LMF1: variants seen among roughly 807,000 people sequenced by gnomAD.
LMF1 encodes the protein transmembrane protein 112.
Under a neutral mutation model 60.6 loss-of-function variants are expected in LMF1, and 68 were observed. The observed-to-expected ratio is 1.12, with a 90% CI of 0.92 to 1.37. LMF1 has a LOEUF of 1.37. LMF1 is among the 40% of genes most tolerant of loss of function. LMF1 has a pLI of 0.00. For missense variants in LMF1, 948 were observed against 767.2 expected, an observed-to-expected ratio of 1.24 and a Z score of -2.78; for synonymous variants, 418 against 324.7, an observed-to-expected ratio of 1.29 and a Z score of -3.09.
rs9937480 is a variant in LMF1 at position 938,347 on chromosome 16, C to T, written c.504-4093G>A. Among the ~76,000 whole-genome samples, 63 of 148,964 alleles carry T rather than the reference C, an allele frequency of 4.2e-4. No homozygotes were observed. The East Asian group carries it at 0.011, about 25-fold the overall frequency. Reference sequence around the variant, plus strand: ...TGGTGGCTCGCGGGGACAGCAGGGACGGGGCTGGACGGCGGCTCACAGGGA... The same window carrying T: ...TGGTGGCTCGCGGGGACAGCAGGGATGGGGCTGGACGGCGGCTCACAGGGA... On this transcript the variant is annotated intron_variant, in intron 2 of 10. Coordinates refer to ENST00000262301, the MANE Select transcript of LMF1 (RefSeq NM_022773.4).
At chr16:902,779 AG>A (rs1482960203) in intron 4 of LMF1, among the ~76,000 whole-genome samples, 1 of 102,304 alleles carries the variant, frequency 9.8e-6, no homozygotes, top group East Asian at 3.0e-4. Context: ...CACTGCCCAC[AG>A]GACTCCTGTC....
chr16:920,798 G>A (rs186839127), intron 3 of LMF1, among the ~76,000 whole-genome samples: 55 of 152,360 alleles, frequency 3.6e-4, no homozygotes, highest in African/African-American at 1.3e-3. Flanking sequence ...ACGTTACACT[G>A]GAACGTCAGG....
In LMF1 at chr16:897,163, C is replaced by T. The variant is rs1026946904; in HGVS notation, c.664-4091G>A. Among the ~76,000 whole-genome samples the T allele has an allele frequency of 1.3e-5, 2 of 152,234 alleles. No homozygotes were observed. The highest frequency in any genetic ancestry group is 2.9e-5 in the Non-Finnish European group (2 of 68,050). On this transcript the variant is annotated intron_variant, in intron 4 of 10. Transcript: ENST00000262301. The surrounding 1 kb of genome is among the most constrained non-coding windows in gnomAD (Gnocchi z 4.3). ...ACGTGTGGCTGCAGCAGCTCTTCTC[C>T]TGATGCCTGTGTGTCCTGGGACACA...
At chr16:860,122 T>C (rs1020987304) in intron 10 of LMF1, among the ~76,000 whole-genome samples, 13 of 151,958 alleles carry the variant, frequency 8.6e-5, no homozygotes, top group Admixed American at 7.2e-4. Flanking sequence ...GAAACTTCTT[T>C]ACATATTCCA....
chr16:897,910 C>T lies in LMF1; in HGVS notation c.664-4838G>A, dbSNP rs2070708556. Among the ~76,000 whole-genome samples the T allele has an allele frequency of 6.6e-6, 1 of 152,258 alleles. No homozygotes were observed. Among genetic ancestry groups the T allele is most frequent in the Non-Finnish European group, 1.5e-5 (1 of 68,054 alleles). ...GGGAGGTGGGCTCCGCCCCCGAGTG[C>T]TTCAGCTCACGCAGACTTCCTTGTG... On this transcript the variant is annotated intron_variant, in intron 4 of 10. Transcript: ENST00000262301. The surrounding 1 kb of genome is among the most constrained non-coding windows in gnomAD (Gnocchi z 4.3).
At chr16:975,418 C>G (rs1385939153), upstream of LMF1, among the ~76,000 whole-genome samples, 1 of 152,122 alleles carries the variant, frequency 6.6e-6, no homozygotes, top group Non-Finnish European at 1.5e-5. Context: ...GCGGGCTGAG[C>G]TCTACCCACA....
intron 3 of LMF1, 58 bp from the exon 4 acceptor site, chr16:911,137 A>T (rs759224803): frequency 6.4e-7 from 1 of 1,562,092 alleles, no homozygotes; most frequent in East Asian, 2.3e-5. Context: ...TTCACAAAGA[A>T]ATCATTTCAG....
At chr16:976,788 G>A (rs2073158757) in intron 1 of LMF1, 1 of 454,124 alleles carries the variant, frequency 2.2e-6, no homozygotes, top group Non-Finnish European at 4.4e-6. Context: ...CTGTCACTGG[G>A]GAGAGAGCAG....
intron 5 of LMF1, among the ~76,000 whole-genome samples, chr16:881,878 C>T (rs1168811668): frequency 1.3e-5 from 2 of 152,204 alleles, no homozygotes; most frequent in Admixed American, 1.3e-4. Flanking sequence ...CTCTTGCATG[C>T]TGGGGCTGCT....
chr16:888,639 G>A (rs572615757), intron 5 of LMF1, among the ~76,000 whole-genome samples: 65 of 152,328 alleles, frequency 4.3e-4, no homozygotes, highest in Admixed American at 2.0e-3. Context: ...TGTGGGGACC[G>A]CAGCAACCCT....
intron 5 of LMF1, chr16:883,919 GCT>G (rs1277745656): frequency 6.6e-6 from 1 of 152,144 alleles, no homozygotes; most frequent in African/African-American, 2.4e-5. Context: ...GTGTTTTTCA[GCT>G]CTTTTACATC....
chr16:911,547 T>TG (rs1259744487), intron 3 of LMF1, among the ~76,000 whole-genome samples: 2 of 73,330 alleles, frequency 2.7e-5, no homozygotes, highest in East Asian at 8.5e-4. Context: ...GGGGCAGCAC[T>TG]GGGGGGGCAG....
Position 874,350 on chromosome 16 carries a change from AGGGCGGGGTG to A in LMF1, c.898-3019_898-3010del, listed in dbSNP as rs1209552819. Among the ~76,000 whole-genome samples, 1 of 99,014 alleles carries A rather than the reference AGGGCGGGGTG, an allele frequency of 1.0e-5. No individual in the cohort carries two copies. The highest frequency in any genetic ancestry group is 3.7e-5 in the African/African-American group (1 of 27,128). 65.0% of individuals were successfully genotyped at this position (99,014 alleles called of 152,430 possible). A position where few individuals can be genotyped will look rare whatever the true frequency, so the allele number is the denominator to read the frequency against. Reference sequence around the variant, plus strand: ...CCACAGGGCAAGGAGCCCTTTGGGCAGGGCGGGGTGGGGTGGGGCCGGACAGCCCGCTGTG... The same window carrying A: ...CCACAGGGCAAGGAGCCCTTTGGGCAGGGTGGGGCCGGACAGCCCGCTGTG... On this transcript the variant is annotated intron_variant, in intron 6 of 10. Transcript: ENST00000262301. The surrounding 1 kb of genome is among the most constrained non-coding windows in gnomAD (Gnocchi z 4.1).
chr16:945,396 G>A (rs577096267), intron 2 of LMF1, among the ~76,000 whole-genome samples: 1 of 151,842 alleles, frequency 6.6e-6, no homozygotes, highest in East Asian at 1.9e-4. Flanking sequence ...TGTGGTGCTG[G>A]GTGCCTGTAG....
intron 3 of LMF1, among the ~76,000 whole-genome samples, chr16:924,880 G>A (rs1597006209): frequency 6.6e-6 from 1 of 152,274 alleles, no homozygotes; most frequent in African/African-American, 2.4e-5. Context: ...TTAGGCAAGG[G>A]AGAGTGAGGA....
chr16:884,395 A>T lies in LMF1; in HGVS notation c.730-4658T>A, dbSNP rs1596900791. Among the ~76,000 whole-genome samples, 4 of 152,380 alleles carry T rather than the reference A, an allele frequency of 2.6e-5. No individual in the cohort carries two copies. In the South Asian group the frequency reaches 8.3e-4, roughly 32 times the overall value. On this transcript the variant is annotated intron_variant, in intron 5 of 10. Coordinates refer to ENST00000262301, the MANE Select transcript of LMF1 (RefSeq NM_022773.4). ...CACAGGAAATAATGCAAATGAGACG[A>T]GAGTAGAGTACAATCTTTAAAGTAC...
chr16:861,648 GC>G (rs1404628059), intron 10 of LMF1, among the ~76,000 whole-genome samples: 63 of 152,262 alleles, frequency 4.1e-4, no homozygotes, highest in African/African-American at 1.4e-3. Context: ...GAGCCGCTGC[GC>G]CCGGCCTCGC....
chr16:951,490 C>G (rs777298359), intron 2 of LMF1, among the ~76,000 whole-genome samples: 2 of 152,242 alleles, frequency 1.3e-5, no homozygotes, highest in Non-Finnish European at 2.9e-5. Context: ...CAGCTCTGAG[C>G]AGAGTCAGAG....
chr16:895,518 G>A (rs1481148891), intron 4 of LMF1, among the ~76,000 whole-genome samples: 33 of 152,196 alleles, frequency 2.2e-4, no homozygotes, highest in Non-Finnish European at 1.3e-4. Context: ...GGCTACATGT[G>A]ACCGAGAAGG....
Sources: allele counts gnomAD v4.1 joint callset (sites outside exome capture counted in the v4.1 genomes callset), GRCh38; gene constraint gnomAD v4.1.1; non-coding constraint Gnocchi (gnomAD v3.1); transcripts MANE v1.5; gene names NCBI Gene and HGNC (gene_info 2026-07-23, HGNC 2026-07-21).